The following NAA11 variants were observed in gnomAD, a reference collection of about 807,000 sequenced individuals.
NAA11 encodes N-alpha-acetyltransferase 11, NatA catalytic subunit.
Under a neutral mutation model 16.1 loss-of-function variants are expected in NAA11, and 15 were observed. That is an observed-to-expected ratio of 0.93 (90% CI 0.62 to 1.44). NAA11 has a LOEUF of 1.44. Among genes scored for constraint, NAA11 ranks in the 40% most tolerant of loss-of-function variants. NAA11 has a pLI of 0.00. For synonymous variants in NAA11, 122 were observed against 112.4 expected, an observed-to-expected ratio of 1.09 and a Z score of -0.54; for missense variants, 298 against 291.3, an observed-to-expected ratio of 1.02 and a Z score of -0.17.
chr4:79,273,863 G>A (rs190520551), intron 2 of NAA11, among the ~76,000 whole-genome samples: 2 of 152,082 alleles, frequency 1.3e-5, no homozygotes, highest in Admixed American at 1.3e-4. Context: ...GCTTCTTCAT[G>A]TCAGCTGCCC....
intron 2 of NAA11, among the ~76,000 whole-genome samples, chr4:79,269,503 T>C (rs1722436558): frequency 6.6e-6 from 1 of 150,410 alleles, no homozygotes; most frequent in South Asian, 2.1e-4. Flanking sequence ...ATGTCTTCTT[T>C]TGAGAAGTGT....
At chr4:79,163,112 A>T in the NAA11 span, among the ~76,000 whole-genome samples, 1 of 152,158 alleles carries the variant, frequency 6.6e-6, no homozygotes. Context: ...GATTTTCAGG[A>T]CATCTGTGTT....
At chr4:79,193,956 G>A in the NAA11 span, among the ~76,000 whole-genome samples, 1 of 152,076 alleles carries the variant, frequency 6.6e-6, no homozygotes, top group Admixed American at 6.6e-5. Context: ...CTTGTAAGTT[G>A]GATTCCTAGG....
At chr4:79,240,043 A>G (rs1721656375) in intron 2 of NAA11, among the ~76,000 whole-genome samples, 1 of 152,174 alleles carries the variant, frequency 6.6e-6, no homozygotes, top group African/African-American at 2.4e-5. Context: ...ATTACATTGG[A>G]TGTCTTCCAT....
intron 2 of NAA11, among the ~76,000 whole-genome samples, chr4:79,250,413 G>A (rs1362568067): frequency 6.6e-6 from 1 of 152,204 alleles, no homozygotes; most frequent in African/African-American, 2.4e-5. Context: ...CGCCTGAGAT[G>A]ATTGAGTTCC....
At chr4:79,260,675 G>A (rs1183878326) in intron 2 of NAA11, among the ~76,000 whole-genome samples, 1 of 152,122 alleles carries the variant, frequency 6.6e-6, no homozygotes, top group Non-Finnish European at 1.5e-5. Context: ...AGAAAGAAAG[G>A]GAAACTCAAC....
At chr4:79,196,176 A>G in the NAA11 span, among the ~76,000 whole-genome samples, 210 of 152,072 alleles carry the variant, frequency 1.4e-3, 1 homozygote, top group African/African-American at 2.6e-3. Flanking sequence ...TTGTGCCCCT[A>G]TAAGGTTTGT....
At chr4:79,255,330 CTCT>C (rs150671930) in intron 2 of NAA11, among the ~76,000 whole-genome samples, 2,748 of 152,150 alleles carry the variant, frequency 0.018, 87 homozygotes, top group African/African-American at 0.063. Context: ...ATTTTTTAAA[CTCT>C]TCTTTACTGA....
At chr4:79,278,800 C>T (rs1479139288) in intron 2 of NAA11, among the ~76,000 whole-genome samples, 1 of 152,108 alleles carries the variant, frequency 6.6e-6, no homozygotes, top group East Asian at 1.9e-4. Context: ...CTTTATAATA[C>T]ATGTCTTAGT....
the NAA11 span, among the ~76,000 whole-genome samples, chr4:79,172,501 T>C: frequency 6.6e-6 from 1 of 152,250 alleles, no homozygotes; most frequent in Non-Finnish European, 1.5e-5. Context: ...TGGATTTTTT[T>C]CCCTAAGTCT....
the NAA11 span, among the ~76,000 whole-genome samples, chr4:79,218,805 T>C: frequency 6.6e-6 from 1 of 152,224 alleles, no homozygotes; most frequent in East Asian, 1.9e-4. Context: ...ACAATCTTGG[T>C]CTCAGGATTT....
the NAA11 span, among the ~76,000 whole-genome samples, chr4:79,219,275 A>G: frequency 6.6e-6 from 1 of 152,046 alleles, no homozygotes; most frequent in East Asian, 1.9e-4. Context: ...CCATTGCTTT[A>G]ATTATGCCAT....
intron 2 of NAA11, among the ~76,000 whole-genome samples, chr4:79,269,650 G>T (rs1291965165): frequency 6.8e-6 from 1 of 147,590 alleles, no homozygotes; most frequent in African/African-American, 2.5e-5. Context: ...CATTTTGTAG[G>T]TTGCCTGTTC....
the NAA11 span, among the ~76,000 whole-genome samples, chr4:79,168,007 G>A: frequency 2.0e-5 from 3 of 151,992 alleles, no homozygotes. Context: ...TTCTCCTAAT[G>A]TGTCCCTCCC....
chr4:79,197,193 T>C, the NAA11 span, among the ~76,000 whole-genome samples: 2 of 151,942 alleles, frequency 1.3e-5, no homozygotes, highest in African/African-American at 2.4e-5. Flanking sequence ...CAAGGTTAAA[T>C]TGATAACTCA....
chr4:79,182,036 C>A, the NAA11 span, among the ~76,000 whole-genome samples: 1 of 152,102 alleles, frequency 6.6e-6, no homozygotes, highest in South Asian at 2.1e-4. Context: ...ATTTTAGGAA[C>A]AAAACCAAGG....
the NAA11 span, among the ~76,000 whole-genome samples, chr4:79,188,930 A>G: frequency 6.6e-6 from 1 of 151,868 alleles, no homozygotes; most frequent in Non-Finnish European, 1.5e-5. Flanking sequence ...GAGAAGAGGA[A>G]ATATAAGAAA....
At chr4:79,274,214 C>A (rs1440672832) in intron 2 of NAA11, among the ~76,000 whole-genome samples, 1 of 152,060 alleles carries the variant, frequency 6.6e-6, no homozygotes, top group Non-Finnish European at 1.5e-5. Flanking sequence ...TGCCTCCTAT[C>A]CTCACTGCTC....
intron 1 of NAA11, among the ~76,000 whole-genome samples, chr4:79,309,688 TTATTC>T (rs1723701809): frequency 6.6e-6 from 1 of 151,478 alleles, no homozygotes; most frequent in Non-Finnish European, 1.5e-5. Flanking sequence ...AAAAGAATTC[TTATTC>T]TATTGGTGTT....
Sources: gnomAD v4.1 joint callset for allele counts (sites outside exome capture counted in the v4.1 genomes callset) on GRCh38, gnomAD v4.1.1 for gene constraint, MANE v1.5 for transcripts, NCBI Gene and HGNC (gene_info 2026-07-23, HGNC 2026-07-21) for gene names.